The following RNLS variants were observed in gnomAD, a reference collection of about 807,000 sequenced individuals.
The protein encoded by RNLS is renalase, FAD dependent amine oxidase, also known as renalase.
RNLS carries 39 observed loss-of-function variants against 39.8 expected under a neutral mutation model. The observed-to-expected ratio is 0.98, with a 90% CI of 0.76 to 1.28. RNLS has a LOEUF of 1.28. Among genes scored for constraint, RNLS ranks in the 50% most tolerant of loss-of-function variants. The probability of loss-of-function intolerance (pLI) is 0.00; values close to 1 mark genes in which losing one functional copy is unlikely to be tolerated. For missense variants in RNLS, 410 were observed against 413.3 expected (o/e 0.99, Z 0.07); for synonymous variants, 147 against 150.7 (o/e 0.98, Z 0.18).
intron 4 of RNLS, among the ~76,000 whole-genome samples, chr10:88,451,128 T>G (rs1338779069): frequency 4.6e-5 from 7 of 152,132 alleles, no homozygotes; most frequent in Non-Finnish European, 8.8e-5. Context: ...ATGAGGGGCA[T>G]AGACCCTTCA....
In RNLS at chr10:88,446,537, G is replaced by C. The variant is rs573026290; in HGVS notation, c.527-83812C>G. 7.4e-4 allele frequency among the ~76,000 whole-genome samples: 112 copies of C among 152,192 alleles called. 1 individual carries two copies. Among genetic ancestry groups the C allele is most frequent in the South Asian group, 7.1e-3 (34 of 4,812 alleles). Reference sequence around the variant, plus strand: ...TAATGGATCCAGGAGCAGATTTTTTGAAATGATCAAGAAAATTGATAGAAT... The same window carrying C: ...TAATGGATCCAGGAGCAGATTTTTTCAAATGATCAAGAAAATTGATAGAAT... On this transcript the variant is annotated intron_variant, in intron 4 of 6. Coordinates refer to ENST00000331772, the MANE Select transcript of RNLS (RefSeq NM_001031709.3).
chr10:88,405,965 C>T (rs1321633070), intron 4 of RNLS, among the ~76,000 whole-genome samples: 1 of 151,936 alleles, frequency 6.6e-6, no homozygotes, highest in Non-Finnish European at 1.5e-5. Flanking sequence ...AATACCTCAT[C>T]TTTCCTTCAT....
intron 4 of RNLS, among the ~76,000 whole-genome samples, chr10:88,504,430 A>G (rs1845674572): frequency 6.6e-6 from 1 of 152,146 alleles, no homozygotes; most frequent in Non-Finnish European, 1.5e-5. Context: ...GTAAATGTTT[A>G]TATTTTTATT....
the RNLS span, among the ~76,000 whole-genome samples, chr10:88,176,244 G>A: frequency 6.6e-6 from 1 of 151,622 alleles, no homozygotes; most frequent in African/African-American, 2.4e-5. Flanking sequence ...GCACAATCTC[G>A]GCTCACTGCA....
At chr10:88,521,307 G>A (rs1399787407) in intron 4 of RNLS, among the ~76,000 whole-genome samples, 2 of 151,966 alleles carry the variant, frequency 1.3e-5, no homozygotes, top group Admixed American at 1.3e-4. Flanking sequence ...TGGATGATTG[G>A]AGCAATGGCA....
chr10:88,540,750 A>G (rs1847992312), intron 4 of RNLS, among the ~76,000 whole-genome samples: 1 of 152,142 alleles, frequency 6.6e-6, no homozygotes, highest in Non-Finnish European at 1.5e-5. Context: ...ATACATTTTT[A>G]AGAAATTATA....
chr10:88,409,993 A>G (rs2133694232), intron 4 of RNLS, among the ~76,000 whole-genome samples: 1 of 152,244 alleles, frequency 6.6e-6, no homozygotes, highest in Admixed American at 6.5e-5. Flanking sequence ...CTCTGACATT[A>G]GATCATGAAA....
the RNLS span, among the ~76,000 whole-genome samples, chr10:88,262,497 C>A: frequency 6.6e-6 from 1 of 152,186 alleles, no homozygotes; most frequent in Non-Finnish European, 1.5e-5. Context: ...GCCAGTGTGA[C>A]TCATAATTTT....
At chr10:88,411,660 A>T (rs553238314) in intron 4 of RNLS, among the ~76,000 whole-genome samples, 18 of 152,276 alleles carry the variant, frequency 1.2e-4, no homozygotes, top group Admixed American at 7.2e-4. Context: ...GCAAACATAC[A>T]GTCCCTCATG....
chr10:88,545,684 A>G (rs890883145), intron 4 of RNLS, among the ~76,000 whole-genome samples: 1 of 152,194 alleles, frequency 6.6e-6, no homozygotes, highest in Non-Finnish European at 1.5e-5. Flanking sequence ...CAGAGTCAAA[A>G]TAAATTGAAG....
At chr10:88,455,120 G>A (rs569699408) in intron 4 of RNLS, among the ~76,000 whole-genome samples, 1 of 152,184 alleles carries the variant, frequency 6.6e-6, no homozygotes, top group Non-Finnish European at 1.5e-5. Context: ...AAGGCACTGT[G>A]AGAGTAGTAT....
intron 4 of RNLS, among the ~76,000 whole-genome samples, chr10:88,403,869 T>C (rs925833324): frequency 6.6e-6 from 1 of 151,862 alleles, no homozygotes; most frequent in African/African-American, 2.4e-5. Flanking sequence ...ACCCTGTCTC[T>C]ACAAAATAAA....
At chr10:88,285,962 T>G (rs1247948446) in intron 6 of RNLS, among the ~76,000 whole-genome samples, 1 of 152,064 alleles carries the variant, frequency 6.6e-6, no homozygotes, top group Non-Finnish European at 1.5e-5. Context: ...GTTGGTCCTT[T>G]CCACCATGTG....
chr10:88,407,675 C>T (rs1384438145), intron 4 of RNLS, among the ~76,000 whole-genome samples: 1 of 152,074 alleles, frequency 6.6e-6, no homozygotes, highest in Non-Finnish European at 1.5e-5. Context: ...CCTTGTGGTA[C>T]CTACTGCTGC....
At chr10:88,562,747 G>C (rs1193738093) in intron 4 of RNLS, among the ~76,000 whole-genome samples, 1 of 152,010 alleles carries the variant, frequency 6.6e-6, no homozygotes, top group Admixed American at 6.6e-5. Flanking sequence ...AAATGTAAAA[G>C]GGTTGAACTC....
chr10:88,176,360 G>A, the RNLS span, among the ~76,000 whole-genome samples: 52 of 152,174 alleles, frequency 3.4e-4, no homozygotes, highest in African/African-American at 1.1e-3. Flanking sequence ...TATTTTAGTA[G>A]AGATGGGGTT....
intron 4 of RNLS, among the ~76,000 whole-genome samples, chr10:88,421,064 G>T (rs1357660270): frequency 1.3e-5 from 2 of 152,224 alleles, no homozygotes; most frequent in Non-Finnish European, 2.9e-5. Flanking sequence ...GATAAGAAAA[G>T]TATCAGTTCC....
chr10:88,463,831 G>C (rs367984359), intron 4 of RNLS, among the ~76,000 whole-genome samples: 14 of 151,532 alleles, frequency 9.2e-5, no homozygotes, highest in African/African-American at 2.9e-4. Context: ...GTTTATCTCT[G>C]TGTGTGTGTG....
chr10:88,538,782 T>G (rs1847901606), intron 4 of RNLS, among the ~76,000 whole-genome samples: 1 of 152,062 alleles, frequency 6.6e-6, no homozygotes, highest in Non-Finnish European at 1.5e-5. Context: ...TTTAAGAAAA[T>G]GTATATGGCT....
Sources: gnomAD v4.1 joint callset for allele counts (sites outside exome capture counted in the v4.1 genomes callset) on GRCh38, gnomAD v4.1.1 for gene constraint, MANE v1.5 for transcripts, NCBI Gene and HGNC (gene_info 2026-07-23, HGNC 2026-07-21) for gene names.